Variants in RASSF5 observed in about 807,000 individuals in gnomAD.
RASSF5 encodes the protein ras association domain-containing protein 5.
RASSF5 carries 25 observed loss-of-function variants against 40.5 expected under a neutral mutation model. The ratio of observed to expected loss-of-function variants is 0.62; its 90% confidence interval spans 0.45 to 0.86. The LOEUF is 0.86. Among genes scored for constraint, RASSF5 ranks in the 40% least tolerant of loss-of-function variants. The probability of loss-of-function intolerance (pLI) is 0.00; values close to 1 mark genes in which losing one functional copy is unlikely to be tolerated. For synonymous variants in RASSF5, 246 were observed against 252.4 expected, an observed-to-expected ratio of 0.97 and a Z score of 0.24; for missense variants, 521 against 572.8, an observed-to-expected ratio of 0.91 and a Z score of 0.92.
At chr1:206,508,846 C>T (rs533047107) in intron 1 of RASSF5, among the ~76,000 whole-genome samples, 3 of 152,078 alleles carry the variant, frequency 2.0e-5, no homozygotes, top group African/African-American at 7.2e-5. Context: ...CTGAGCCAGG[C>T]GCTTCTCAAA....
At chr1:206,582,475 G>T (rs572936591) in intron 2 of RASSF5, among the ~76,000 whole-genome samples, 1 of 152,170 alleles carries the variant, frequency 6.6e-6, no homozygotes, top group Non-Finnish European at 1.5e-5. Flanking sequence ...GTAAGATGGG[G>T]TAATAAACTA....
chr1:206,541,438 G>A (rs1277381876), intron 2 of RASSF5, among the ~76,000 whole-genome samples: 1 of 152,146 alleles, frequency 6.6e-6, no homozygotes, highest in Admixed American at 6.5e-5. Context: ...GTGGAAGCGG[G>A]CAGGAATGAG....
intron 2 of RASSF5, among the ~76,000 whole-genome samples, chr1:206,551,482 A>T (rs1209980265): frequency 6.6e-6 from 1 of 152,208 alleles, no homozygotes; most frequent in Non-Finnish European, 1.5e-5. Context: ...AGAAGCCAGA[A>T]GTGCTGGCCA....
chr1:206,507,671 C>T lies in RASSF5; in HGVS notation c.69C>T (p.Arg23=), dbSNP rs782170089. Residue 23 remains arginine, a synonymous_variant, in exon 1 of 6, where the codon CGC becomes CGT. Coordinates refer to ENST00000579436, the MANE Select transcript of RASSF5 (RefSeq NM_182663.4). ...YPLLLDPEPP[R]YLQSLSGPEL... ...TACTATTGGACCCCGAGCCGCCGCGCTATCTACAGAGCCTGAGCGGCCCCG... is the reference window on the plus strand; with the variant it reads ...TACTATTGGACCCCGAGCCGCCGCGTTATCTACAGAGCCTGAGCGGCCCCG... The T allele has an allele frequency of 3.9e-6, 6 of 1,526,080 alleles. No individual in the cohort carries two copies. The highest frequency in any genetic ancestry group is 1.8e-4 in the Middle Eastern group (1 of 5,534). 94.5% of individuals were successfully genotyped at this position (1,526,080 alleles called of 1,614,324 possible). A position where few individuals can be genotyped will look rare whatever the true frequency, so the allele number is the denominator to read the frequency against.
At chr1:206,558,258 G>A (rs1219031309) in intron 2 of RASSF5, among the ~76,000 whole-genome samples, 1 of 152,182 alleles carries the variant, frequency 6.6e-6, no homozygotes, top group East Asian at 1.9e-4. Flanking sequence ...TTAACTTCCT[G>A]GGTCGGTTTG....
chr1:206,583,306 C>T lies in RASSF5; in HGVS notation c.617C>T (p.Pro206Leu), dbSNP rs202049293. The change falls in exon 3 of 6, where the codon CCC (proline) becomes CTC (leucine). Residue 206 changes from proline (P) to leucine (L), a missense_variant. By Grantham distance (98) the Pro-to-Leu change is moderately conservative. This residue lies in a region of RASSF5 where 284 missense variants were observed against 360.8 expected (regional missense o/e 0.79). Transcript: ENST00000579436. ...CKPVEETQRP[P>L]TLQEIKQKID... ...CCTGTGGAGGAGACACAGCGCCCGCCCACACTGCAGGAGATCAAGCAGAAG... is the reference window on the plus strand; with the variant it reads ...CCTGTGGAGGAGACACAGCGCCCGCTCACACTGCAGGAGATCAAGCAGAAG... The T allele has an allele frequency of 1.2e-6, 2 of 1,613,922 alleles. No homozygotes were observed. Among genetic ancestry groups the T allele is most frequent in the Non-Finnish European group, 8.5e-7 (1 of 1,179,904 alleles).
intron 1 of RASSF5, 125 bp downstream of exon 1, chr1:206,508,184 T>C: frequency 1.4e-6 from 1 of 717,486 alleles, no homozygotes; most frequent in Non-Finnish European, 2.0e-6. Context: ...GCCCCGAACA[T>C]AAGGAGATAA....
Position 206,587,151 on chromosome 1 carries a change from A to G in RASSF5, c.*173A>G. 1.4e-6 allele frequency: 1 copy of G among 732,788 alleles called. No homozygotes were observed. The allele number at this position is 732,788 out of a possible 1,614,324, so 45.4% of individuals were successfully genotyped here. On this transcript the variant is annotated 3_prime_UTR_variant, in exon 6 of 6. Coordinates refer to ENST00000579436, the MANE Select transcript of RASSF5 (RefSeq NM_182663.4). Reference sequence around the variant, plus strand: ...TGGACAAGTGTTTGCACGAGGGTTCAGCTGTGCCCGCCCCCAGGCTGTGCC... The same window carrying G: ...TGGACAAGTGTTTGCACGAGGGTTCGGCTGTGCCCGCCCCCAGGCTGTGCC...
rs973273817 is a variant in RASSF5 at position 206,552,140 on chromosome 1, G to A, written c.579+13847G>A. ...CAGAAGTGTGGTGTGGGTTAGCACC[G>A]CTGAGAAAGTGACTGTAGGGTGAGT... On this transcript the variant is annotated intron_variant, in intron 2 of 5. Transcript: ENST00000579436. This position sits in a 1 kb window ranked among gnomAD's most constrained non-coding sequence, Gnocchi z 4.1. 1.3e-5 allele frequency among the ~76,000 whole-genome samples: 2 copies of A among 152,200 alleles called. No homozygotes were observed. Among genetic ancestry groups the A allele is most frequent in the Admixed American group, 6.5e-5 (1 of 15,280 alleles).
intron 3 of RASSF5, 22 bp downstream of exon 3, chr1:206,583,401 AC>A (rs1558523654): frequency 6.6e-7 from 1 of 1,517,238 alleles, no homozygotes; most frequent in South Asian, 1.1e-5. Flanking sequence ...TCCACCCTCA[AC>A]CTGGCCCCTG....
Position 206,587,266 on chromosome 1 carries a change from G to T in RASSF5, c.*288G>T. ...CTGCAAGCCTTTCACCAACCAAATAGTTGCCTCTCTCGTCACCAAACTGGA... is the reference window on the plus strand; with the variant it reads ...CTGCAAGCCTTTCACCAACCAAATATTTGCCTCTCTCGTCACCAAACTGGA... On this transcript the variant is annotated 3_prime_UTR_variant, in exon 6 of 6. Coordinates refer to ENST00000579436, the MANE Select transcript of RASSF5 (RefSeq NM_182663.4). 1 of 388,916 alleles carries T rather than the reference G, an allele frequency of 2.6e-6. No homozygotes were observed. The highest frequency in any genetic ancestry group is 4.9e-6 in the Non-Finnish European group (1 of 205,550). The allele number at this position is 388,916 out of a possible 1,614,324, so 24.1% of individuals were successfully genotyped here.
chr1:206,583,384 G>A lies in RASSF5; in HGVS notation c.690+5G>A. On this transcript the variant is annotated splice_donor_5th_base_variant and intron_variant, in intron 3 of 5. Transcript: ENST00000579436. ...AACTGCCTGGGCATGAAACTGGTAAGCGCCCGTCCACCCTCAACCTGGCCC... is the reference window on the plus strand; with the variant it reads ...AACTGCCTGGGCATGAAACTGGTAAACGCCCGTCCACCCTCAACCTGGCCC... 1 of 1,600,506 alleles carries A rather than the reference G, an allele frequency of 6.2e-7. No individual in the cohort carries two copies. The highest frequency in any genetic ancestry group is 8.6e-7 in the Non-Finnish European group (1 of 1,167,650).
rs560373116 is a variant in RASSF5, at chr1:206,552,803, C to T, written c.579+14510C>T. On this transcript the variant is annotated intron_variant, in intron 2 of 5. Coordinates refer to ENST00000579436, the MANE Select transcript of RASSF5 (RefSeq NM_182663.4). This position sits in a 1 kb window ranked among gnomAD's most constrained non-coding sequence, Gnocchi z 4.1. ...CTTTCATTCAGTAACTTTAGTAGACCGTCTTATTCAATGTTGTTCTCACTA... is the reference window on the plus strand; with the variant it reads ...CTTTCATTCAGTAACTTTAGTAGACTGTCTTATTCAATGTTGTTCTCACTA... Among the ~76,000 whole-genome samples, 11 of 152,136 alleles carry T rather than the reference C, an allele frequency of 7.2e-5. No homozygotes were observed. Among genetic ancestry groups the T allele is most frequent in the Admixed American group, 1.3e-4 (2 of 15,264 alleles).
chr1:206,533,925 C>T (rs1553398288), intron 1 of RASSF5, among the ~76,000 whole-genome samples: 1 of 152,152 alleles, frequency 6.6e-6, no homozygotes, highest in African/African-American at 2.4e-5. Flanking sequence ...GAGAACGCCA[C>T]GTGACGATGG....
chr1:206,564,944 C>A (rs191605215), intron 2 of RASSF5, among the ~76,000 whole-genome samples: 2 of 152,126 alleles, frequency 1.3e-5, no homozygotes, highest in Admixed American at 1.3e-4. Context: ...CCTGGGGGCT[C>A]ATCTCCCCTC....
At chr1:206,540,812 A>G in intron 2 of RASSF5, among the ~76,000 whole-genome samples, 1 of 152,142 alleles carries the variant, frequency 6.6e-6, no homozygotes, top group Non-Finnish European at 1.5e-5. Flanking sequence ...TTAAGGGAGC[A>G]GGGGCTCAGA....
intron 1 of RASSF5, among the ~76,000 whole-genome samples, chr1:206,523,699 A>T (rs1245950245): frequency 3.8e-5 from 3 of 79,322 alleles, no homozygotes; most frequent in African/African-American, 1.1e-4. Flanking sequence ...TATATATAAT[A>T]TATTTATATA....
At chr1:206,567,488 G>A (rs1362142118) in intron 2 of RASSF5, among the ~76,000 whole-genome samples, 4 of 152,280 alleles carry the variant, frequency 2.6e-5, no homozygotes, top group East Asian at 3.9e-4. Context: ...GGAGCGGGGA[G>A]GAGCAGGCTG....
chr1:206,548,162 TC>T (rs1572330228), intron 2 of RASSF5, among the ~76,000 whole-genome samples: 2 of 152,352 alleles, frequency 1.3e-5, no homozygotes, highest in East Asian at 3.9e-4. Flanking sequence ...TATAACATAT[TC>T]TTCTTTTTTC....
Sources: allele counts gnomAD v4.1 joint callset (sites outside exome capture counted in the v4.1 genomes callset), GRCh38; gene constraint gnomAD v4.1.1; regional missense constraint gnomAD v4.1.1; non-coding constraint Gnocchi (gnomAD v3.1); transcripts MANE v1.5; gene names NCBI Gene and HGNC (gene_info 2026-07-23, HGNC 2026-07-21).